LRRC53: variants seen among roughly 807,000 people sequenced by gnomAD.
LRRC53 encodes leucine-rich repeat-containing protein 53.
A neutral mutation model predicts 13.6 loss-of-function variants in LRRC53; 25 were observed. The observed-to-expected ratio is 1.83, with a 90% CI of 1.34 to 2.56. The LOEUF (loss-of-function observed/expected upper bound fraction) is 2.56. Among genes scored for constraint, LRRC53 ranks in the 30% most tolerant of loss-of-function variants. The pLI, the probability that LRRC53 is intolerant of heterozygous loss-of-function variation, is 0.00. For missense variants in LRRC53, 527 were observed against 275.8 expected, an observed-to-expected ratio of 1.91 and a Z score of -6.45; for synonymous variants, 204 against 109.8, an observed-to-expected ratio of 1.86 and a Z score of -5.37.
chr1:74,530,102 T>A, the LRRC53 span, among the ~76,000 whole-genome samples: 2 of 152,164 alleles, frequency 1.3e-5, no homozygotes, highest in African/African-American at 2.4e-5. Context: ...AGTGCTGGGA[T>A]TACAAGCATG....
upstream of LRRC53, among the ~76,000 whole-genome samples, chr1:74,513,949 T>C (rs1187575751): frequency 6.6e-6 from 1 of 152,036 alleles, no homozygotes. Context: ...CTAAGGGGAG[T>C]AAATAATCTT....
chr1:74,506,613 T>C (rs922878685), intron 1 of LRRC53, among the ~76,000 whole-genome samples: 10 of 152,220 alleles, frequency 6.6e-5, no homozygotes, highest in African/African-American at 2.4e-4. Context: ...CCAGCAGCTC[T>C]GGCATCACCT....
intron 3 of LRRC53, among the ~76,000 whole-genome samples, chr1:74,477,972 A>T (rs1267153152): frequency 6.6e-6 from 1 of 152,242 alleles, no homozygotes; most frequent in African/African-American, 2.4e-5. Flanking sequence ...TGTAAGTGTC[A>T]AGATATTAGT....
intron 2 of LRRC53, among the ~76,000 whole-genome samples, chr1:74,482,551 A>G (rs1214814392): frequency 6.6e-6 from 1 of 152,166 alleles, no homozygotes; most frequent in Non-Finnish European, 1.5e-5. Context: ...CCTCCTAATT[A>G]TCAGAGTCGT....
the LRRC53 span, among the ~76,000 whole-genome samples, chr1:74,524,402 C>A: frequency 6.6e-6 from 1 of 152,194 alleles, no homozygotes; most frequent in Non-Finnish European, 1.5e-5. Context: ...TCCAGGGCTG[C>A]TGTGGAGTTT....
At chr1:74,483,986 A>C (rs1200807950) in intron 1 of LRRC53, among the ~76,000 whole-genome samples, 1 of 152,180 alleles carries the variant, frequency 6.6e-6, no homozygotes, top group Admixed American at 6.6e-5. Context: ...TTATCTTAGA[A>C]AAAAATATTT....
At chr1:74,472,516 G>A (rs1667985447) in intron 4 of LRRC53, among the ~76,000 whole-genome samples, 1 of 152,090 alleles carries the variant, frequency 6.6e-6, no homozygotes, top group Non-Finnish European at 1.5e-5. Context: ...TGAATAGTAT[G>A]TAAATCCTTT....
At chr1:74,518,257 GCTAGAAGAATCA>G in the LRRC53 span, among the ~76,000 whole-genome samples, 1 of 152,152 alleles carries the variant, frequency 6.6e-6, no homozygotes, top group African/African-American at 2.4e-5. Context: ...AGTCTGGATG[GCTAGAAGAATCA>G]TTAGGTCATT....
At chr1:74,492,120 C>T (rs199608014) in intron 1 of LRRC53, 1 of 1,609,568 alleles carries the variant, frequency 6.2e-7, no homozygotes, top group Non-Finnish European at 8.5e-7. Flanking sequence ...CATCAAGTAA[C>T]AGCAGTGGGT....
At chr1:74,474,498 A>T (rs1376496109) in intron 4 of LRRC53, among the ~76,000 whole-genome samples, 1 of 152,120 alleles carries the variant, frequency 6.6e-6, no homozygotes, top group African/African-American at 2.4e-5. Context: ...TGTGGTAAGA[A>T]TTTCTTGATA....
chr1:74,527,205 G>A, the LRRC53 span, among the ~76,000 whole-genome samples: 5 of 152,132 alleles, frequency 3.3e-5, no homozygotes, highest in Non-Finnish European at 5.9e-5. Flanking sequence ...CCAGGCACAC[G>A]GAGACTCATA....
chr1:74,510,757 T>G (rs1670147519), intron 1 of LRRC53, among the ~76,000 whole-genome samples: 1 of 152,236 alleles, frequency 6.6e-6, no homozygotes, highest in South Asian at 2.1e-4. Flanking sequence ...ATGGAATTAA[T>G]CAACTAGCTC....
chr1:74,492,414 A>G (rs1001850283), intron 1 of LRRC53: 1 of 1,106,926 alleles, frequency 9.0e-7, no homozygotes, highest in Non-Finnish European at 1.2e-6. Flanking sequence ...TTCTTACGTT[A>G]TGACTAAAAA....
intron 1 of LRRC53, among the ~76,000 whole-genome samples, chr1:74,507,670 A>C (rs529872308): frequency 3.9e-5 from 6 of 152,304 alleles, no homozygotes; most frequent in African/African-American, 1.4e-4. Context: ...CACTGACACC[A>C]ACAACATGGA....
intron 1 of LRRC53, among the ~76,000 whole-genome samples, chr1:74,508,284 AG>A (rs1352023888): frequency 2.0e-5 from 3 of 152,264 alleles, no homozygotes; most frequent in African/African-American, 7.2e-5. Flanking sequence ...TAATAAAAAT[AG>A]TAATAATAAT....
At chr1:74,493,668 A>C (rs1348613973) in intron 1 of LRRC53, among the ~76,000 whole-genome samples, 2 of 152,182 alleles carry the variant, frequency 1.3e-5, no homozygotes, top group African/African-American at 4.8e-5. Flanking sequence ...TTGACTCTGA[A>C]CTACAGATTG....
In LRRC53 at chr1:74,472,086, T is replaced by C. The variant is rs769032336; in HGVS notation, c.1536A>G (p.Glu512=). The part of the protein sequence containing the change: ...NESWQPPIEK[E]DNGLHPHRQR... Reference sequence around the variant, plus strand: ...GCCTATGAGGGTGTAAGCCATTGTCTTCTTTTTCTATTGGAGGCTGCCATG... The same window carrying C: ...GCCTATGAGGGTGTAAGCCATTGTCCTCTTTTTCTATTGGAGGCTGCCATG... The change falls in exon 5 of 5, where the codon GAA becomes GAG. Residue 512 remains glutamate (E), a synonymous_variant. Transcript: ENST00000294635. The C allele has an allele frequency of 5.6e-6, 4 of 717,316 alleles. No homozygotes were observed. The South Asian group carries it at 5.9e-5, about 11-fold the overall frequency. 44.4% of individuals were successfully genotyped at this position (717,316 alleles called of 1,614,324 possible).
upstream of LRRC53, among the ~76,000 whole-genome samples, chr1:74,515,857 G>A (rs1230619943): frequency 1.3e-5 from 2 of 152,202 alleles, no homozygotes; most frequent in African/African-American, 4.8e-5. Flanking sequence ...GAGATCATTA[G>A]TTATTAAAAG....
rs1279483191 is a variant in LRRC53, at chr1:74,495,380, GTATC to G, written c.-26-12009_-26-12006del. 1.2e-4 allele frequency among the ~76,000 whole-genome samples: 19 copies of G among 152,294 alleles called. No individual in the cohort carries two copies. The East Asian group carries it at 3.7e-3, about 29-fold the overall frequency. On this transcript the variant is annotated intron_variant, in intron 1 of 4. Transcript: ENST00000294635. The stretch of plus-strand genomic sequence containing the variant: ...TGTTCTATTCATTACTGTATCCTTA[GTATC>G]TATCTAGCAGTATGATTGGCATAAA...
Sources: gnomAD v4.1 joint callset for allele counts (sites outside exome capture counted in the v4.1 genomes callset) on GRCh38, gnomAD v4.1.1 for gene constraint, MANE v1.5 for transcripts, NCBI Gene and HGNC (gene_info 2026-07-23, HGNC 2026-07-21) for gene names.